CDC14B: variants seen among roughly 807,000 people sequenced by gnomAD.
The protein encoded by CDC14B is cell division cycle 14B.
A neutral mutation model predicts 64.2 loss-of-function variants in CDC14B; 22 were observed. The ratio of observed to expected loss-of-function variants is 0.34; its 90% CI spans 0.24 to 0.49. CDC14B has a LOEUF of 0.49. Ranked by LOEUF, CDC14B falls within the 20% of genes least tolerant of loss-of-function variation. CDC14B has a pLI of 0.99. For synonymous variants in CDC14B, 191 were observed against 215.8 expected (o/e 0.89, Z 1.01); for missense variants, 498 against 629.9 (o/e 0.79, Z 2.24).
At chr9:96,512,306 T>C (rs1157198118) in intron 12 of CDC14B, among the ~76,000 whole-genome samples, 1 of 151,290 alleles carries the variant, frequency 6.6e-6, no homozygotes, top group African/African-American at 2.4e-5. Context: ...AAACAAGGAA[T>C]TGTTTTTAAA....
chr9:96,499,047 A>ACGGAG (rs1477252120), downstream of CDC14B, among the ~76,000 whole-genome samples: 1 of 152,202 alleles, frequency 6.6e-6, no homozygotes, highest in Admixed American at 6.5e-5. Flanking sequence ...CAGGGACTTC[A>ACGGAG]CGGAGCTGCG....
chr9:96,566,732 G>C, intron 1 of CDC14B: 2 of 1,585,874 alleles, frequency 1.3e-6, no homozygotes, highest in Non-Finnish European at 1.7e-6. Context: ...GCGGGTGCCG[G>C]AGCCCCCAGG....
At chr9:96,583,370 T>TTTATTA (rs60483659) in intron 1 of CDC14B, among the ~76,000 whole-genome samples, 13,813 of 138,952 alleles carry the variant, frequency 0.099, 748 homozygotes, top group Middle Eastern at 0.14. Flanking sequence ...GTTGTATTTA[T>TTTATTA]TTATTATTAT....
chr9:96,545,157 A>C (rs552176685), intron 5 of CDC14B, among the ~76,000 whole-genome samples: 2 of 152,310 alleles, frequency 1.3e-5, no homozygotes, highest in Non-Finnish European at 2.9e-5. Context: ...GGTTTTGTAG[A>C]AATAGGGTGT....
chr9:96,560,530 A>ACTT (rs1383029101), intron 4 of CDC14B, among the ~76,000 whole-genome samples: 4 of 147,884 alleles, frequency 2.7e-5, no homozygotes, highest in African/African-American at 1.0e-4. Flanking sequence ...TAAAACACCC[A>ACTT]CTTCTCCATA....
intron 9 of CDC14B, among the ~76,000 whole-genome samples, chr9:96,531,121 T>C (rs1838412201): frequency 6.6e-6 from 1 of 152,200 alleles, no homozygotes; most frequent in Non-Finnish European, 1.5e-5. Flanking sequence ...TATCTTATAG[T>C]GTCTTTTTGT....
chr9:96,590,002 C>T (rs1243521268), intron 1 of CDC14B, among the ~76,000 whole-genome samples: 1 of 151,156 alleles, frequency 6.6e-6, no homozygotes, highest in East Asian at 1.9e-4. Flanking sequence ...CAAAAACAAA[C>T]AACATAAAAA....
chr9:96,520,043 A>G (rs1198033912), intron 12 of CDC14B, among the ~76,000 whole-genome samples: 4 of 152,188 alleles, frequency 2.6e-5, no homozygotes, highest in East Asian at 1.9e-4. Flanking sequence ...GAAAATCTTC[A>G]ATTGATCTTT....
At chr9:96,577,041 T>C (rs923290972) in intron 1 of CDC14B, among the ~76,000 whole-genome samples, 2 of 151,978 alleles carry the variant, frequency 1.3e-5, no homozygotes, top group South Asian at 2.1e-4. Flanking sequence ...TCACTAGAGG[T>C]CAGGAGTTCG....
At chr9:96,514,547 C>T in intron 12 of CDC14B, 1 of 985,438 alleles carries the variant, frequency 1.0e-6, no homozygotes, top group Non-Finnish European at 1.2e-6. Context: ...ATTTTTAAAT[C>T]TTTCTCAGCT....
At chr9:96,571,175 A>C (rs1306553901) in intron 1 of CDC14B, among the ~76,000 whole-genome samples, 2 of 148,852 alleles carry the variant, frequency 1.3e-5, no homozygotes, top group Non-Finnish European at 2.9e-5. Context: ...ATAACGAAAA[A>C]AAAATTTTTT....
chr9:96,496,736 C>T (rs1833260257), downstream of CDC14B, among the ~76,000 whole-genome samples: 2 of 152,260 alleles, frequency 1.3e-5, no homozygotes, highest in African/African-American at 4.8e-5. Flanking sequence ...AGCGGACCCG[C>T]TCCCGGGGAG....
rs1835260038 is a variant in CDC14B, at chr9:96,513,957, A to G, written c.1344-4168T>C. On this transcript the variant is annotated intron_variant, in intron 12 of 13. Transcript: ENST00000375241. Reference sequence around the variant, plus strand: ...GTGATGACAGAGGATGGTGGAGCTCAGGAGTCACCACCTTACAAATAAAAC... The same window carrying G: ...GTGATGACAGAGGATGGTGGAGCTCGGGAGTCACCACCTTACAAATAAAAC... 1.3e-5 allele frequency among the ~76,000 whole-genome samples: 2 copies of G among 152,244 alleles called. 1 individual carries two copies. Among genetic ancestry groups the G allele is most frequent in the South Asian group, 4.1e-4 (2 of 4,834 alleles).
At chr9:96,529,508 T>C (rs75484497) in intron 9 of CDC14B, among the ~76,000 whole-genome samples, 1 of 151,088 alleles carries the variant, frequency 6.6e-6, no homozygotes, top group Non-Finnish European at 1.5e-5. Context: ...TTTTTTTTTT[T>C]TGAGACGGGA....
chr9:96,547,868 C>A (rs1282690842), intron 5 of CDC14B, among the ~76,000 whole-genome samples: 3 of 151,918 alleles, frequency 2.0e-5, no homozygotes, highest in Admixed American at 6.6e-5. Context: ...CTCTGTTGCC[C>A]AGGCTGGAGT....
chr9:96,604,820 C>A (rs1048195726), intron 1 of CDC14B, among the ~76,000 whole-genome samples: 1 of 152,128 alleles, frequency 6.6e-6, no homozygotes, highest in Non-Finnish European at 1.5e-5. Flanking sequence ...AGGCATGCAC[C>A]ACCATGCCCA....
At chr9:96,536,845 ACAGTATCTTACT>A (rs1422094215) in intron 7 of CDC14B, among the ~76,000 whole-genome samples, 2 of 152,234 alleles carry the variant, frequency 1.3e-5, no homozygotes, top group East Asian at 3.8e-4. Flanking sequence ...GGGCTTTAGC[ACAGTATCTTACT>A]CATTCCCTAT....
intron 5 of CDC14B, among the ~76,000 whole-genome samples, chr9:96,546,838 G>A (rs2131965681): frequency 6.6e-6 from 1 of 152,026 alleles, no homozygotes; most frequent in African/African-American, 2.4e-5. Flanking sequence ...TGAGGCGGGA[G>A]GATCATGAGG....
chr9:96,566,847 G>A (rs541004902), intron 1 of CDC14B: 3 of 1,592,724 alleles, frequency 1.9e-6, no homozygotes, highest in East Asian at 2.3e-5. Context: ...GCGGGGCAGA[G>A]GCAAGGACTG....
Sources: allele counts gnomAD v4.1 joint callset (sites outside exome capture counted in the v4.1 genomes callset), GRCh38; gene constraint gnomAD v4.1.1; transcripts MANE v1.5; gene names NCBI Gene and HGNC (gene_info 2026-07-23, HGNC 2026-07-21).